Variants in CNTNAP2 observed in about 807,000 individuals in gnomAD.
The protein encoded by CNTNAP2 is contactin-associated protein-like 2.
A neutral mutation model predicts 155.2 loss-of-function variants in CNTNAP2; 98 were observed. The ratio of observed to expected loss-of-function variants is 0.63; its 90% CI spans 0.54 to 0.75. The LOEUF (loss-of-function observed/expected upper bound fraction) is 0.75, where lower values mean the gene tolerates loss of function less well. Among genes scored for constraint, CNTNAP2 ranks in the 30% least tolerant of loss-of-function variants. The probability of loss-of-function intolerance (pLI) is 0.00; values close to 1 mark genes in which losing one functional copy is unlikely to be tolerated. For synonymous variants in CNTNAP2, 651 were observed against 631.2 expected (o/e 1.03, Z -0.47); for missense variants, 1,727 against 1,688.1 (o/e 1.02, Z -0.40).
chr7:147,102,627 A>G (rs892091267), intron 4 of CNTNAP2, among the ~76,000 whole-genome samples: 1 of 152,120 alleles, frequency 6.6e-6, no homozygotes. Context: ...GTTTTGTTCC[A>G]TTTTCCCCAA....
chr7:146,257,105 A>G (rs1379037296), intron 1 of CNTNAP2, among the ~76,000 whole-genome samples: 1 of 152,202 alleles, frequency 6.6e-6, no homozygotes, highest in Admixed American at 6.5e-5. Context: ...GCAATAGTTG[A>G]CTACTTTTGC....
At chr7:147,385,362 A>T (rs1302411744) in intron 9 of CNTNAP2, among the ~76,000 whole-genome samples, 1 of 152,108 alleles carries the variant, frequency 6.6e-6, no homozygotes, top group Non-Finnish European at 1.5e-5. Flanking sequence ...CATTAACTCA[A>T]AAGTCCATAG....
At position 147,418,097 on chromosome 7, in the gene CNTNAP2, T is replaced by C. The variant is rs148578291; in HGVS notation, c.1670+22317T>C. On this transcript the variant is annotated intron_variant, in intron 10 of 23. Transcript: ENST00000361727. Reference sequence around the variant, plus strand: ...AACAATTATATGCCAATACCCACTGTTTTACAAAGCGATGGAAAGCATAGT... The same window carrying C: ...AACAATTATATGCCAATACCCACTGCTTTACAAAGCGATGGAAAGCATAGT... Among the ~76,000 whole-genome samples, 40 of 152,312 alleles carry C rather than the reference T, an allele frequency of 2.6e-4. No homozygotes were observed. The East Asian group carries it at 7.5e-3, about 29-fold the overall frequency.
chr7:148,017,525 G>A (rs1802201559), intron 15 of CNTNAP2, among the ~76,000 whole-genome samples: 1 of 152,014 alleles, frequency 6.6e-6, no homozygotes, highest in Non-Finnish European at 1.5e-5. Flanking sequence ...ATCTTAGCTT[G>A]GTTTATAAAC....
intron 1 of CNTNAP2, among the ~76,000 whole-genome samples, chr7:146,567,361 A>G (rs1798373165): frequency 1.3e-5 from 2 of 152,192 alleles, no homozygotes; most frequent in African/African-American, 4.8e-5. Flanking sequence ...CTATATGAAT[A>G]CCTTCAAAGC....
intron 13 of CNTNAP2, among the ~76,000 whole-genome samples, chr7:147,815,731 T>C (rs1478264974): frequency 6.6e-6 from 1 of 152,226 alleles, no homozygotes; most frequent in Non-Finnish European, 1.5e-5. Context: ...AGGGCCATTA[T>C]GCTGCTTATC....
intron 4 of CNTNAP2, among the ~76,000 whole-genome samples, chr7:147,062,130 A>G (rs1257558403): frequency 2.4e-5 from 1 of 42,034 alleles, no homozygotes; most frequent in Non-Finnish European, 4.6e-5. Context: ...TCCGTCTCAA[A>G]AAAAAAAAAA....
At chr7:146,122,380 A>G (rs1433289480) in intron 1 of CNTNAP2, among the ~76,000 whole-genome samples, 2 of 152,228 alleles carry the variant, frequency 1.3e-5, no homozygotes, top group Non-Finnish European at 2.9e-5. Flanking sequence ...TTTAAGCCTT[A>G]TTCTTTTGTA....
chr7:147,435,032 G>T (rs1034425923), intron 10 of CNTNAP2, among the ~76,000 whole-genome samples: 3 of 152,138 alleles, frequency 2.0e-5, no homozygotes, highest in Non-Finnish European at 4.4e-5. Context: ...GAGGCAACAG[G>T]ACAGTGAAAA....
chr7:146,256,382 A>G (rs1483017295), intron 1 of CNTNAP2, among the ~76,000 whole-genome samples: 1 of 152,166 alleles, frequency 6.6e-6, no homozygotes, highest in African/African-American at 2.4e-5. Flanking sequence ...AAATTTATGT[A>G]AGGTCCATTC....
chr7:147,075,648 ATACTT>A (rs1799982534), intron 4 of CNTNAP2, among the ~76,000 whole-genome samples: 1 of 152,018 alleles, frequency 6.6e-6, no homozygotes, highest in African/African-American at 2.4e-5. Flanking sequence ...TTTTTAAATT[ATACTT>A]TAAGTTCTAG....
At chr7:146,976,833 G>C (rs182920413) in intron 3 of CNTNAP2, among the ~76,000 whole-genome samples, 6 of 152,290 alleles carry the variant, frequency 3.9e-5, no homozygotes, top group African/African-American at 9.6e-5. Flanking sequence ...CTGCTCTGTC[G>C]ATTCTTCTTG....
intron 4 of CNTNAP2, among the ~76,000 whole-genome samples, chr7:147,086,996 T>A (rs1302076823): frequency 6.6e-6 from 1 of 152,234 alleles, no homozygotes; most frequent in Admixed American, 6.5e-5. Context: ...AATGTTGTGG[T>A]TTGTAGGAAA....
At chr7:147,739,987 C>A (rs1228389652) in intron 13 of CNTNAP2, among the ~76,000 whole-genome samples, 1 of 152,190 alleles carries the variant, frequency 6.6e-6, no homozygotes, top group Non-Finnish European at 1.5e-5. Flanking sequence ...TTACAGCTTT[C>A]TCTGCCCACA....
chr7:146,150,591 T>C (rs1256295680), intron 1 of CNTNAP2, among the ~76,000 whole-genome samples: 1 of 152,058 alleles, frequency 6.6e-6, no homozygotes, highest in Non-Finnish European at 1.5e-5. Context: ...GATCTACTAC[T>C]ATATCACCTA....
At position 146,333,473 on chromosome 7, in the gene CNTNAP2, A is replaced by T. The variant is rs756562491; in HGVS notation, c.97+216500A>T. On this transcript the variant is annotated intron_variant, in intron 1 of 23. Coordinates refer to ENST00000361727, the MANE Select transcript of CNTNAP2 (RefSeq NM_014141.6). Reference sequence around the variant, plus strand: ...CCTGTTATCTCATGCCCGGAAAAAAAGTAAGAATTAAGTATGTTAACTTCT... The same window carrying T: ...CCTGTTATCTCATGCCCGGAAAAAATGTAAGAATTAAGTATGTTAACTTCT... 5.3e-4 allele frequency among the ~76,000 whole-genome samples: 80 copies of T among 152,186 alleles called. 1 individual carries two copies. The highest frequency in any genetic ancestry group is 1.1e-3 in the Non-Finnish European group (77 of 68,030).
chr7:148,127,266 G>A (rs577569779), intron 16 of CNTNAP2, among the ~76,000 whole-genome samples: 1 of 152,270 alleles, frequency 6.6e-6, no homozygotes, highest in Non-Finnish European at 1.5e-5. Flanking sequence ...TCCAGCCCAG[G>A]TGACAGAGCA....
chr7:147,931,849 T>G (rs1310472850), intron 14 of CNTNAP2, among the ~76,000 whole-genome samples: 1 of 152,116 alleles, frequency 6.6e-6, no homozygotes, highest in Non-Finnish European at 1.5e-5. Context: ...CCTATCAAAA[T>G]TCCAATAACA....
At chr7:147,030,386 G>A (rs1162808984) in intron 3 of CNTNAP2, among the ~76,000 whole-genome samples, 1 of 152,154 alleles carries the variant, frequency 6.6e-6, no homozygotes, top group East Asian at 1.9e-4. Context: ...TATTTAAGAT[G>A]AGCCTTGAAA....
Sources: allele counts gnomAD v4.1 joint callset (sites outside exome capture counted in the v4.1 genomes callset), GRCh38; gene constraint gnomAD v4.1.1; transcripts MANE v1.5; gene names NCBI Gene and HGNC (gene_info 2026-07-23, HGNC 2026-07-21).